Variants in GBE1 observed in about 807,000 individuals in gnomAD.
The protein encoded by GBE1 is 1,4-alpha-glucan branching enzyme 1, also known as 1,4-alpha-glucan-branching enzyme.
A neutral mutation model predicts 88.8 loss-of-function variants in GBE1; 70 were observed. That is an observed-to-expected ratio of 0.79 (90% CI 0.65 to 0.96). The LOEUF (loss-of-function observed/expected upper bound fraction) is 0.96. GBE1 is among the 40% of genes least tolerant of loss of function. GBE1 has a pLI of 0.00. For synonymous variants in GBE1, 284 were observed against 300.1 expected, an observed-to-expected ratio of 0.95 and a Z score of 0.56; for missense variants, 872 against 871.0, an observed-to-expected ratio of 1.00 and a Z score of -0.01.
At chr3:81,643,024 C>T in intron 6 of GBE1, 34 bp from the exon 7 acceptor site, 1 of 1,434,268 alleles carries the variant, frequency 7.0e-7, no homozygotes, top group South Asian at 1.2e-5. Flanking sequence ...AAGAAGATTA[C>T]ATCACATTTA....
chr3:81,721,201 T>TAA (rs1231652572), intron 1 of GBE1, among the ~76,000 whole-genome samples: 641 of 32,592 alleles, frequency 0.02, 23 homozygotes, highest in African/African-American at 0.095. Context: ...TAGAGTATAA[T>TAA]AAAAAATAAA....
rs796274694 is a variant in GBE1 at position 81,591,312 on chromosome 3, A to G, written c.1109-148T>C. The G allele has an allele frequency of 1.1e-5, 6 of 528,740 alleles. No homozygotes were observed. In the South Asian group the frequency reaches 2.5e-4, roughly 22 times the overall value. The allele number at this position is 528,740 out of a possible 1,614,324, so 32.8% of individuals were successfully genotyped here. On this transcript the variant is annotated intron_variant, in intron 8 of 15. Transcript: ENST00000429644. ...AGCATCAGCAAATATACTGACTTAG[A>G]AAAGTACTACATGTCAACATTCAGA...
At chr3:81,670,536 G>A (rs538585218) in intron 3 of GBE1, among the ~76,000 whole-genome samples, 18 of 152,118 alleles carry the variant, frequency 1.2e-4, no homozygotes, top group East Asian at 7.7e-4. Context: ...TAAACTTTCC[G>A]TTTCCCAAGC....
intron 14 of GBE1, among the ~76,000 whole-genome samples, chr3:81,520,236 C>T (rs893329101): frequency 6.6e-5 from 10 of 151,354 alleles, no homozygotes; most frequent in Non-Finnish European, 1.5e-4. Flanking sequence ...TTGTGGAAAC[C>T]CTGGCTGGGC....
At chr3:81,598,979 A>C (rs566577148) in intron 7 of GBE1, among the ~76,000 whole-genome samples, 26 of 152,096 alleles carry the variant, frequency 1.7e-4, no homozygotes, top group Admixed American at 9.8e-4. Flanking sequence ...AGTTATCTAT[A>C]TCCATTAACA....
At chr3:81,651,281 G>A (rs952476841) in intron 3 of GBE1, among the ~76,000 whole-genome samples, 9 of 152,182 alleles carry the variant, frequency 5.9e-5, no homozygotes, top group African/African-American at 2.2e-4. Context: ...ATAACCAAGC[G>A]GCAGAGCCAA....
chr3:81,541,452 C>G (rs1007987957), intron 12 of GBE1, among the ~76,000 whole-genome samples: 7 of 150,390 alleles, frequency 4.7e-5, no homozygotes, highest in South Asian at 2.1e-4. Context: ...TGCAAGTTGC[C>G]CCCCCCGCCA....
intron 1 of GBE1, among the ~76,000 whole-genome samples, chr3:81,749,299 G>A (rs950942096): frequency 2.6e-5 from 4 of 151,896 alleles, no homozygotes; most frequent in African/African-American, 9.7e-5. Context: ...TATATGCAAC[G>A]TGGAGAGATC....
chr3:81,632,067 T>A (rs1451666313), intron 7 of GBE1, among the ~76,000 whole-genome samples: 1 of 152,216 alleles, frequency 6.6e-6, no homozygotes, highest in African/African-American at 2.4e-5. Flanking sequence ...TGTTTGGTTT[T>A]CTGTTCCTGT....
chr3:81,733,155 T>C lies in GBE1; in HGVS notation c.144-27542A>G, dbSNP rs545220467. ...CCTCCTGTCAGATCAGCGGTGGCATTAGATTCCCATAGCAGAATCTAACAG... is the reference window on the plus strand; with the variant it reads ...CCTCCTGTCAGATCAGCGGTGGCATCAGATTCCCATAGCAGAATCTAACAG... On this transcript the variant is annotated intron_variant, in intron 1 of 15. Transcript: ENST00000429644. The surrounding 1 kb of genome is among the most constrained non-coding windows in gnomAD (Gnocchi z 4.0). Among the ~76,000 whole-genome samples, 2 of 152,204 alleles carry C rather than the reference T, an allele frequency of 1.3e-5. No individual in the cohort carries two copies. Among genetic ancestry groups the C allele is most frequent in the South Asian group, 2.1e-4 (1 of 4,818 alleles).
intron 15 of GBE1, among the ~76,000 whole-genome samples, chr3:81,492,891 C>T (rs975591159): frequency 7.2e-5 from 11 of 152,088 alleles, no homozygotes; most frequent in Non-Finnish European, 1.6e-4. Flanking sequence ...GCATGCAACA[C>T]CACACTCAGC....
At chr3:81,556,930 G>A (rs1003954490) in intron 12 of GBE1, among the ~76,000 whole-genome samples, 16 of 151,940 alleles carry the variant, frequency 1.1e-4, no homozygotes, top group Non-Finnish European at 2.4e-4. Context: ...ACCTCCTGCT[G>A]TGTAACTTTT....
chr3:81,725,455 A>C (rs1382472800), intron 1 of GBE1, among the ~76,000 whole-genome samples: 1 of 152,162 alleles, frequency 6.6e-6, no homozygotes, highest in Non-Finnish European at 1.5e-5. Context: ...ATCTCCTATG[A>C]TAACAATGCC....
intron 2 of GBE1, among the ~76,000 whole-genome samples, chr3:81,671,911 C>G (rs556677062): frequency 6.6e-6 from 1 of 151,502 alleles, no homozygotes; most frequent in Non-Finnish European, 1.5e-5. Flanking sequence ...GTGAATATAC[C>G]AAAAGAGAGA....
chr3:81,507,692 A>G (rs986891881), intron 14 of GBE1, among the ~76,000 whole-genome samples: 5 of 151,610 alleles, frequency 3.3e-5, no homozygotes, highest in Admixed American at 6.6e-5. Context: ...ATATATGTGT[A>G]TATATATATA....
At chr3:81,602,599 C>T (rs914179003) in intron 7 of GBE1, among the ~76,000 whole-genome samples, 1 of 151,770 alleles carries the variant, frequency 6.6e-6, no homozygotes, top group Admixed American at 6.6e-5. Flanking sequence ...TTTCTAAGAG[C>T]GCTAATCCCA....
chr3:81,748,617 A>AAAC (rs967128795), intron 1 of GBE1, among the ~76,000 whole-genome samples: 6 of 152,038 alleles, frequency 3.9e-5, no homozygotes, highest in African/African-American at 9.7e-5. Flanking sequence ...CTGTCTCAAA[A>AAAC]AACAACAACA....
chr3:81,693,532 A>G (rs1024508779), intron 2 of GBE1, among the ~76,000 whole-genome samples: 6 of 152,166 alleles, frequency 3.9e-5, no homozygotes, highest in Non-Finnish European at 4.4e-5. Context: ...TTCCTCCGCT[A>G]GAAGAGAAGG....
chr3:81,653,583 CA>C (rs1222482721), intron 3 of GBE1, among the ~76,000 whole-genome samples: 1 of 152,000 alleles, frequency 6.6e-6, no homozygotes, highest in African/African-American at 2.4e-5. Context: ...GATATGTGCT[CA>C]AAAAACAATA....
Sources: gnomAD v4.1 joint callset for allele counts (sites outside exome capture counted in the v4.1 genomes callset) on GRCh38, gnomAD v4.1.1 for gene constraint, Gnocchi (gnomAD v3.1) non-coding constraint, MANE v1.5 for transcripts, NCBI Gene and HGNC (gene_info 2026-07-23, HGNC 2026-07-21) for gene names.